The following REXO4 variants were observed in gnomAD, a reference collection of about 807,000 sequenced individuals.
The protein encoded by REXO4 is RNA exonuclease 4, also known as REX4 homolog, 3'-5' exonuclease.
REXO4 carries 29 observed loss-of-function variants against 39.9 expected under a neutral mutation model. The observed-to-expected ratio is 0.73, with a 90% CI of 0.54 to 0.99. The LOEUF (loss-of-function observed/expected upper bound fraction) is 0.99, where lower values mean the gene tolerates loss of function less well. Among genes scored for constraint, REXO4 ranks in the 50% least tolerant of loss-of-function variants. The pLI, the probability that REXO4 is intolerant of heterozygous loss-of-function variation, is 0.00. For synonymous variants in REXO4, 184 were observed against 206.2 expected (o/e 0.89, Z 0.92); for missense variants, 524 against 546.5 (o/e 0.96, Z 0.41).
chr9:133,414,509 AG>A (rs782188925), intron 2 of REXO4, 155 bp downstream of exon 2: 2 of 756,662 alleles, frequency 2.6e-6, no homozygotes, highest in African/African-American at 3.4e-5. Flanking sequence ...CGCACACTCT[AG>A]GGGAAAACAA....
At chr9:133,414,015 T>C (rs782748116) in intron 2 of REXO4, among the ~76,000 whole-genome samples, 16 of 152,212 alleles carry the variant, frequency 1.1e-4, no homozygotes, top group Non-Finnish European at 1.6e-4. Flanking sequence ...AGCTGAACCA[T>C]TCAGAGAAGG....
At chr9:133,409,518 T>C (rs587668033) in intron 5 of REXO4, among the ~76,000 whole-genome samples, 1 of 152,342 alleles carries the variant, frequency 6.6e-6, no homozygotes, top group East Asian at 1.9e-4. Flanking sequence ...AAGTTGCAAA[T>C]AACACATTTT....
intron 7 of REXO4, among the ~76,000 whole-genome samples, chr9:133,407,511 G>T (rs1554779144): frequency 6.6e-6 from 1 of 152,178 alleles, no homozygotes; most frequent in Non-Finnish European, 1.5e-5. Context: ...GGCAGGGCAG[G>T]GCTGGAGGGC....
At chr9:133,408,393 C>A (rs1839025043) in intron 6 of REXO4, among the ~76,000 whole-genome samples, 1 of 151,678 alleles carries the variant, frequency 6.6e-6, no homozygotes, top group Non-Finnish European at 1.5e-5. Flanking sequence ...TGGGAGGTGG[C>A]AGTTACAGTG....
intron 5 of REXO4, 95 bp from the exon 6 acceptor site, chr9:133,408,937 TG>T (rs1554779581): frequency 1.3e-5 from 2 of 157,338 alleles, no homozygotes; most frequent in Admixed American, 1.4e-4. Flanking sequence ...AACATCTTTG[TG>T]TGTGTGTGTG....
rs782156575 is a variant in REXO4, at chr9:133,407,890, G to A, written c.1075-9C>T. ...AGAGACGGCCTTCCACTCTGCAAAG[G>A]GGGAAGAGGCGGGTGGGGGCCTCTG... is the stretch of plus-strand genomic sequence containing the variant. On this transcript the variant is annotated splice_polypyrimidine_tract_variant and intron_variant, in intron 6 of 7. Coordinates refer to ENST00000371942, the MANE Select transcript of REXO4 (RefSeq NM_020385.4). 1.9e-6 allele frequency: 3 copies of A among 1,612,420 alleles called. No individual in the cohort carries two copies. Among genetic ancestry groups the A allele is most frequent in the Non-Finnish European group, 2.5e-6 (3 of 1,179,086 alleles).
At chr9:133,417,153 C>T (rs1433990932) in intron 1 of REXO4, among the ~76,000 whole-genome samples, 4 of 152,202 alleles carry the variant, frequency 2.6e-5, no homozygotes, top group African/African-American at 4.8e-5. Flanking sequence ...CTGCGACTAC[C>T]GGCGCGCGCC....
At chr9:133,418,133 G>A (rs1554782195), upstream of REXO4, 4 of 460,656 alleles carry the variant, frequency 8.7e-6, no homozygotes, top group Admixed American at 1.2e-4. Flanking sequence ...TTGGGCCGCC[G>A]CCTTAGCCAG....
At chr9:133,417,433 A>G (rs781878032) in intron 1 of REXO4, among the ~76,000 whole-genome samples, 187 bp downstream of exon 1, 2 of 152,204 alleles carry the variant, frequency 1.3e-5, no homozygotes, top group Non-Finnish European at 2.9e-5. Context: ...TTCTTTCATC[A>G]ATTTCTTTCA....
chr9:133,410,799 C>T (rs1839169792), intron 5 of REXO4, among the ~76,000 whole-genome samples, 186 bp downstream of exon 5: 1 of 152,226 alleles, frequency 6.6e-6, no homozygotes, highest in Non-Finnish European at 1.5e-5. Flanking sequence ...GCTCTCAAAA[C>T]AAGAGCCTGG....
chr9:133,418,088 T>G, upstream of REXO4: 9 of 524,668 alleles, frequency 1.7e-5, no homozygotes, highest in East Asian at 3.3e-5. Flanking sequence ...CTGCCTCTGG[T>G]TCCGCGCAGC....
Position 133,414,850 on chromosome 9 carries a change from C to T in REXO4, c.387G>A (p.Arg129=). The change falls in exon 2 of 8, where the codon AGG becomes AGA. Residue 129 remains arginine (R), a synonymous_variant. Transcript: ENST00000371942. ...TCTTGGAACCTGAAGGAACAGAGCC[C>T]CTGCTGGCCTCCTGGTCTTTTCCTG... is the stretch of plus-strand genomic sequence containing the variant. ...MPAGKDQEAS[R]GSVPSGSKMD... 2 of 1,614,132 alleles carry T rather than the reference C, an allele frequency of 1.2e-6. No homozygotes were observed. The highest frequency in any genetic ancestry group is 1.7e-4 in the Middle Eastern group (1 of 6,060).
rs1326552681 is a variant in REXO4, at chr9:133,407,011, A to C, written c.1211T>G (p.Met404Arg). Residue 404 changes from methionine to arginine, a missense_variant, in exon 8 of 8, where the codon ATG (methionine) becomes AGG (arginine). By Grantham distance (91) the Met-to-Arg change is moderately conservative. Transcript: ENST00000371942. ...YVMVKKEWES[M>R]ARDRRPLLTA... The stretch of plus-strand genomic sequence containing the variant: ...CAGCAGGGGGCGCCTGTCTCGGGCC[A>C]TGCTCTCCCACTCCTTCTTCACCAT... 2 of 1,613,128 alleles carry C rather than the reference A, an allele frequency of 1.2e-6. No individual in the cohort carries two copies. Among genetic ancestry groups the C allele is most frequent in the Non-Finnish European group, 1.7e-6 (2 of 1,180,028 alleles).
chr9:133,410,544 G>C (rs1839159020), intron 5 of REXO4, among the ~76,000 whole-genome samples: 1 of 152,202 alleles, frequency 6.6e-6, no homozygotes, highest in South Asian at 2.1e-4. Flanking sequence ...GATTTTCCTC[G>C]GGACGCCAGA....
chr9:133,412,483 T>G lies in REXO4; in HGVS notation c.726A>C (p.Arg242Ser), dbSNP rs1554780371. 1 of 1,613,984 alleles carries G rather than the reference T, an allele frequency of 6.2e-7. No homozygotes were observed. The highest frequency in any genetic ancestry group is 8.5e-7 in the Non-Finnish European group (1 of 1,180,002). ...VKEQAFGGLTRALALDCEMVG... is the reference protein window; with the variant it reads ...VKEQAFGGLTSALALDCEMVG... Reference sequence around the variant, plus strand: ...CCATCTCACAGTCCAAGGCTAAGGCTCTTGTCAGGCTGAAGGGTAACCAAA... The same window carrying G: ...CCATCTCACAGTCCAAGGCTAAGGCGCTTGTCAGGCTGAAGGGTAACCAAA... Residue 242 changes from arginine to serine, a missense_variant, in exon 4 of 8, where the codon AGA becomes AGC. By Grantham distance (110) the Arg-to-Ser change is moderately radical (BLOSUM62 -1). Coordinates refer to ENST00000371942, the MANE Select transcript of REXO4 (RefSeq NM_020385.4).
Position 133,417,881 on chromosome 9 carries a change from G to GAGACCCCGGCCTCCCC in REXO4, c.-53_-38dup, listed in dbSNP as rs1839768863. The GAGACCCCGGCCTCCCC allele has an allele frequency of 6.3e-7, 1 of 1,584,424 alleles. No homozygotes were observed. Among genetic ancestry groups the GAGACCCCGGCCTCCCC allele is most frequent in the Non-Finnish European group, 8.5e-7 (1 of 1,171,458 alleles). ...CCAGCGCCTGGGCCGGCGGCCACCC[G>GAGACCCCGGCCTCCCC]AGACCCCGGCCTCCCCGGGCCCGGC... On this transcript the variant is annotated 5_prime_UTR_variant, in exon 1 of 8. Transcript: ENST00000371942.
At position 133,417,960 on chromosome 9, in the gene REXO4, G is replaced by A. The variant is rs1839777771; in HGVS notation, c.-116C>T. 5.2e-6 allele frequency: 5 copies of A among 959,080 alleles called. No homozygotes were observed. Among genetic ancestry groups the A allele is most frequent in the South Asian group, 3.3e-5 (2 of 60,110 alleles). The allele number at this position is 959,080 out of a possible 1,614,324, so 59.4% of individuals were successfully genotyped here. On this transcript the variant is annotated 5_prime_UTR_variant, in exon 1 of 8. Transcript: ENST00000371942. ...CCAGGCCGAAACACACCCACCGCAG[G>A]GACCCCGTCCAGGAAAAGACTCCGG... is the stretch of plus-strand genomic sequence containing the variant.
intron 5 of REXO4, among the ~76,000 whole-genome samples, chr9:133,409,059 G>A (rs1839082293): frequency 6.6e-6 from 1 of 151,036 alleles, no homozygotes. Context: ...TCCGACCCCA[G>A]GTTTCAAGTG....
At chr9:133,408,933 T>TGCG in intron 5 of REXO4, 91 bp from the exon 6 acceptor site, 1 of 398,424 alleles carries the variant, frequency 2.5e-6, no homozygotes, top group Non-Finnish European at 4.4e-6. Flanking sequence ...AAGTAACATC[T>TGCG]TTGTGTGTGT....
Sources: gnomAD v4.1 joint callset for allele counts (sites outside exome capture counted in the v4.1 genomes callset) on GRCh38, gnomAD v4.1.1 for gene constraint, MANE v1.5 for transcripts, NCBI Gene and HGNC (gene_info 2026-07-23, HGNC 2026-07-21) for gene names.